PHEX: variants seen among roughly 807,000 people sequenced by gnomAD.
PHEX encodes the protein phosphate regulating endopeptidase X-linked.
Under a neutral mutation model 68.0 loss-of-function variants are expected in PHEX, and 16 were observed. The observed-to-expected ratio is 0.24, with a 90% CI of 0.16 to 0.36. The LOEUF (loss-of-function observed/expected upper bound fraction) is 0.36, where lower values mean the gene tolerates loss of function less well. Among genes scored for constraint, PHEX ranks in the 10% least tolerant of loss-of-function variants. The pLI is 1.00. For synonymous variants in PHEX, 208 were observed against 205.1 expected, an observed-to-expected ratio of 1.01 and a Z score of -0.12; for missense variants, 480 against 575.5, an observed-to-expected ratio of 0.83 and a Z score of 1.70.
chrX:22,126,870 T>TTG (rs1343472457), intron 11 of PHEX, among the ~76,000 whole-genome samples: 4 of 86,981 alleles, frequency 4.6e-5, no homozygotes, highest in African/African-American at 1.8e-4. Flanking sequence ...AGTTGTTTTT[T>TTG]TTTTTTTTTT....
At chrX:22,126,266 G>C (rs1419314862) in intron 11 of PHEX, among the ~76,000 whole-genome samples, 1 of 112,145 alleles carries the variant, frequency 8.9e-6, no homozygotes, top group Non-Finnish European at 1.9e-5. Context: ...TAAATGAAAA[G>C]ACAACAATTA....
At position 22,099,104 on chromosome X, in the gene PHEX, G is replaced by A. The variant is rs1485980861; in HGVS notation, c.1032G>A (p.Pro344=). 11 of 1,208,194 alleles carry A rather than the reference G, an allele frequency of 9.1e-6. No individual in the cohort carries two copies. Among genetic ancestry groups the A allele is most frequent in the Admixed American group, 2.2e-5 (1 of 45,817 alleles). Residue 344 remains proline, a synonymous_variant, in exon 9 of 22, where the codon CCG becomes CCA. Transcript: ENST00000379374. ...CCGAGAATGTGGTGGTCCGCGTCCC[G>A]CAGTACTTTAAAGATTTGTTTAGGA... is the stretch of plus-strand genomic sequence containing the variant. ...SPSENVVVRV[P]QYFKDLFRIL... is the part of the protein sequence containing the mutation.
intron 14 of PHEX, among the ~76,000 whole-genome samples, chrX:22,185,748 C>CGTTTGTG (rs1355260500): frequency 2.5e-5 from 2 of 81,204 alleles, no homozygotes; most frequent in African/African-American, 1.3e-4. Context: ...GCATGGTTCT[C>CGTTTGTG]GTTTGTGGTT....
At chrX:22,234,450 T>G (rs1935889963) in intron 20 of PHEX, among the ~76,000 whole-genome samples, 1 of 111,049 alleles carries the variant, frequency 9.0e-6, no homozygotes, top group East Asian at 2.8e-4. Context: ...TTGCCTTTTT[T>G]TTTTAGAGAT....
intron 3 of PHEX, among the ~76,000 whole-genome samples, chrX:22,065,961 G>C (rs1928579646): frequency 9.0e-6 from 1 of 111,710 alleles, no homozygotes; most frequent in African/African-American, 3.3e-5. Context: ...TTTTAACCCC[G>C]GCGGAAAGAG....
chrX:22,041,000 G>C (rs1013095847), intron 2 of PHEX, among the ~76,000 whole-genome samples: 3 of 108,489 alleles, frequency 2.8e-5, no homozygotes, highest in Non-Finnish European at 5.7e-5. Flanking sequence ...TCAAGAGATG[G>C]AGAGGGAGAA....
chrX:22,127,658 C>T, intron 11 of PHEX, among the ~76,000 whole-genome samples: 1 of 109,671 alleles, frequency 9.1e-6, no homozygotes, highest in Middle Eastern at 4.6e-3. Context: ...GGTAGTTCAA[C>T]ACCATTTCAC....
Position 22,098,250 on chromosome X carries a change from AG to A in PHEX, c.934-754del, listed in dbSNP as rs758386034. ...CCGTATAGAGGAAGAATTTAGAAGG[AG>A]GAAGAGAAATGCAGGAGAGAAGGAG... On this transcript the variant is annotated intron_variant, in intron 8 of 21. Transcript: ENST00000379374. Among the ~76,000 whole-genome samples, 519 of 107,911 alleles carry A rather than the reference AG, an allele frequency of 4.8e-3. 2 individuals are homozygous for A. The highest frequency in any genetic ancestry group is 0.016 in the African/African-American group (476 of 29,524). The allele number at this position is 107,911 out of a possible 115,157, so 93.7% of individuals were successfully genotyped here. A position where few individuals can be genotyped will look rare whatever the true frequency, so the allele number is the denominator to read the frequency against.
intron 20 of PHEX, among the ~76,000 whole-genome samples, chrX:22,239,454 G>A (rs1205237545): frequency 1.8e-5 from 2 of 111,201 alleles, no homozygotes; most frequent in Non-Finnish European, 3.8e-5. Context: ...AGGTAAAGGA[G>A]CATGTTCTAA....
intron 15 of PHEX, among the ~76,000 whole-genome samples, chrX:22,199,622 T>G (rs1412999152): frequency 9.0e-6 from 1 of 111,674 alleles, no homozygotes; most frequent in Non-Finnish European, 1.9e-5. Flanking sequence ...AGTAGCTGTC[T>G]CAGTTACCAG....
At chrX:22,117,300 G>A (rs746728075) in intron 11 of PHEX, among the ~76,000 whole-genome samples, 6 of 111,536 alleles carry the variant, frequency 5.4e-5, no homozygotes, top group Non-Finnish European at 1.1e-4. Context: ...TTATTGGGCC[G>A]TGAGAAATAG....
chrX:22,032,982 C>T lies in PHEX; in HGVS notation c.-24C>T, dbSNP rs1416011240. 3 of 1,120,309 alleles carry T rather than the reference C, an allele frequency of 2.7e-6. No homozygotes were observed. Among genetic ancestry groups the T allele is most frequent in the East Asian group, 3.0e-5 (1 of 33,379 alleles). The allele number at this position is 1,120,309 out of a possible 1,213,427, so 92.3% of individuals were successfully genotyped here. On this transcript the variant is annotated 5_prime_UTR_variant, in exon 1 of 22. Transcript: ENST00000379374. ...AAACCACGAAAAGTGACTTTCTTCT[C>T]GTGTGCTCTCTACGGCCCTTCTGAT...
At chrX:22,242,611 C>A (rs200358269) in intron 20 of PHEX, among the ~76,000 whole-genome samples, 1 of 111,099 alleles carries the variant, frequency 9.0e-6, no homozygotes, top group African/African-American at 3.3e-5. Flanking sequence ...TGCAAAAATC[C>A]CAAGCATTCC....
intron 1 of PHEX, 109 bp downstream of exon 1, chrX:22,033,232 G>A (rs914548133): frequency 2.3e-5 from 13 of 557,215 alleles, no homozygotes; most frequent in Admixed American, 1.7e-4. Flanking sequence ...GTTTGCCTGC[G>A]TTCATAGGTG....
rs17275385 is a variant in PHEX at position 22,153,712 on chromosome X, A to G, written c.1405-14600A>G. ...ATGGCATTCGAATCTCGGGTGTTCT[A>G]TGAAAAATGAAAAGACCAAACACAT... On this transcript the variant is annotated intron_variant, in intron 12 of 21. Coordinates refer to ENST00000379374, the MANE Select transcript of PHEX (RefSeq NM_000444.6). 0.012 allele frequency among the ~76,000 whole-genome samples: 1,329 copies of G among 111,782 alleles called. 73 individuals are homozygous for G. The East Asian group carries it at 0.22, about 18-fold the overall frequency.
At chrX:22,119,566 A>G (rs922150920) in intron 11 of PHEX, among the ~76,000 whole-genome samples, 3 of 104,678 alleles carry the variant, frequency 2.9e-5, no homozygotes, top group Admixed American at 2.0e-4. Context: ...ATTTATTTTT[A>G]TTTTTTAATA....
intron 20 of PHEX, among the ~76,000 whole-genome samples, chrX:22,233,938 A>ATCT (rs1036128980): frequency 1.8e-5 from 2 of 111,851 alleles, no homozygotes; most frequent in Non-Finnish European, 3.8e-5. Context: ...GTTTCTCCCC[A>ATCT]TCTTTGTGGA....
intron 15 of PHEX, among the ~76,000 whole-genome samples, chrX:22,197,614 C>G (rs1934407887): frequency 9.0e-6 from 1 of 111,123 alleles, no homozygotes; most frequent in Non-Finnish European, 1.9e-5. Context: ...GACATCTTGG[C>G]TGCAACCTCA....
At chrX:22,065,298 A>T (rs1928543704) in intron 3 of PHEX, among the ~76,000 whole-genome samples, 1 of 112,691 alleles carries the variant, frequency 8.9e-6, no homozygotes, top group African/African-American at 3.2e-5. Context: ...TAATATACTC[A>T]TAAGTTTACC....
Sources: gnomAD v4.1 joint callset for allele counts (sites outside exome capture counted in the v4.1 genomes callset) on GRCh38, gnomAD v4.1.1 for gene constraint, MANE v1.5 for transcripts, NCBI Gene and HGNC (gene_info 2026-07-23, HGNC 2026-07-21) for gene names.